The following CSMD1 variants were observed in gnomAD, a reference collection of about 807,000 sequenced individuals.
The protein encoded by CSMD1 is CUB and sushi domain-containing protein 1.
Under a neutral mutation model 417.5 loss-of-function variants are expected in CSMD1, and 213 were observed. That is an observed-to-expected ratio of 0.51 (90% confidence interval 0.46 to 0.57). The LOEUF is 0.57. Ranked by LOEUF, CSMD1 falls within the 20% of genes least tolerant of loss-of-function variation. The pLI is 0.00. For missense variants in CSMD1, 6,923 were observed against 4,529.7 expected (o/e 1.53, Z -15.17); for synonymous variants, 2,862 against 1,736.8 (o/e 1.65, Z -16.11).
chr8:4,088,030 T>C (rs1055821314), intron 3 of CSMD1, among the ~76,000 whole-genome samples: 8 of 152,244 alleles, frequency 5.3e-5, no homozygotes, highest in African/African-American at 1.9e-4. Flanking sequence ...CTGTGCTAAA[T>C]GACACTCCCC....
intron 1 of CSMD1, among the ~76,000 whole-genome samples, chr8:4,941,958 C>T (rs1808032400): frequency 6.6e-6 from 1 of 152,186 alleles, no homozygotes; most frequent in Non-Finnish European, 1.5e-5. Flanking sequence ...CTGCTTCTTC[C>T]AGTGAGTATG....
At chr8:4,278,972 A>T (rs1796635420) in intron 3 of CSMD1, among the ~76,000 whole-genome samples, 1 of 152,244 alleles carries the variant, frequency 6.6e-6, no homozygotes, top group African/African-American at 2.4e-5. Flanking sequence ...CCATATATGA[A>T]ATAAGATTGC....
At chr8:4,877,938 C>A (rs1191761206) in intron 1 of CSMD1, among the ~76,000 whole-genome samples, 1 of 152,082 alleles carries the variant, frequency 6.6e-6, no homozygotes, top group African/African-American at 2.4e-5. Flanking sequence ...AAGGGACCTA[C>A]CCAAACAGAG....
intron 54 of CSMD1, among the ~76,000 whole-genome samples, chr8:2,997,046 G>A (rs892512944): frequency 6.6e-6 from 1 of 152,216 alleles, no homozygotes; most frequent in African/African-American, 2.4e-5. Context: ...GGGCTCGGCG[G>A]AGGCAGGGGC....
intron 3 of CSMD1, among the ~76,000 whole-genome samples, chr8:4,378,899 C>A (rs1802922438): frequency 6.6e-6 from 1 of 152,158 alleles, no homozygotes; most frequent in South Asian, 2.1e-4. Flanking sequence ...ATCCGCAATG[C>A]TTGGGTCTTG....
At chr8:3,053,953 C>T (rs963957902) in intron 49 of CSMD1, among the ~76,000 whole-genome samples, 1 of 152,186 alleles carries the variant, frequency 6.6e-6, no homozygotes, top group African/African-American at 2.4e-5. Flanking sequence ...ATGAGAATAT[C>T]TGTGTAACAA....
chr8:3,667,148 G>C (rs1261081852), intron 7 of CSMD1, among the ~76,000 whole-genome samples: 1 of 151,982 alleles, frequency 6.6e-6, no homozygotes, highest in Non-Finnish European at 1.5e-5. Flanking sequence ...GGTAAAGGGG[G>C]GCTGTTCTTA....
At chr8:3,555,968 A>G (rs576658390) in intron 10 of CSMD1, among the ~76,000 whole-genome samples, 2 of 152,316 alleles carry the variant, frequency 1.3e-5, no homozygotes, top group South Asian at 4.1e-4. Flanking sequence ...CCAATGTTAA[A>G]TGACAGACTA....
intron 49 of CSMD1, among the ~76,000 whole-genome samples, chr8:3,070,929 G>C (rs1184382690): frequency 6.6e-6 from 1 of 152,224 alleles, no homozygotes; most frequent in Non-Finnish European, 1.5e-5. Flanking sequence ...TTGGCTCATG[G>C]TTCTGTGGGC....
At chr8:3,658,921 A>G (rs187133527) in intron 7 of CSMD1, among the ~76,000 whole-genome samples, 18 of 152,300 alleles carry the variant, frequency 1.2e-4, no homozygotes, top group African/African-American at 4.3e-4. Flanking sequence ...TCCATTCTTG[A>G]CCTACCAAAT....
intron 2 of CSMD1, among the ~76,000 whole-genome samples, chr8:4,563,912 T>C (rs1215898963): frequency 6.6e-6 from 1 of 152,180 alleles, no homozygotes; most frequent in Non-Finnish European, 1.5e-5. Flanking sequence ...AAATGTTTCT[T>C]CTGTAGCACA....
chr8:4,291,655 C>A (rs1165097890), intron 3 of CSMD1, among the ~76,000 whole-genome samples: 2 of 152,106 alleles, frequency 1.3e-5, no homozygotes, highest in African/African-American at 4.8e-5. Flanking sequence ...ATATGGAGAA[C>A]ATTTCCTACC....
chr8:3,499,065 G>C (rs948595410), intron 10 of CSMD1, among the ~76,000 whole-genome samples: 1 of 152,076 alleles, frequency 6.6e-6, no homozygotes, highest in East Asian at 1.9e-4. Flanking sequence ...TTGCTTTTTA[G>C]ACATTTCTTG....
chr8:4,474,852 C>A (rs345152), intron 2 of CSMD1, among the ~76,000 whole-genome samples: 1 of 152,148 alleles, frequency 6.6e-6, no homozygotes, highest in African/African-American at 2.4e-5. Context: ...TATATTTTCT[C>A]TTCCTTATGA....
At chr8:4,077,297 G>GTATATA (rs200304943) in intron 3 of CSMD1, among the ~76,000 whole-genome samples, 7,783 of 120,982 alleles carry the variant, frequency 0.064, 285 homozygotes, top group South Asian at 0.17. Context: ...ATATATATGT[G>GTATATA]TATATATATA....
intron 10 of CSMD1, among the ~76,000 whole-genome samples, chr8:3,526,356 G>T (rs144132954): frequency 6.6e-6 from 1 of 151,884 alleles, no homozygotes; most frequent in African/African-American, 2.4e-5. Context: ...AAATCCCTTT[G>T]GTGTGAGTTG....
At chr8:3,120,733 G>C (rs927878751) in intron 41 of CSMD1, among the ~76,000 whole-genome samples, 2 of 151,792 alleles carry the variant, frequency 1.3e-5, no homozygotes, top group Non-Finnish European at 2.9e-5. Flanking sequence ...TGTAATCCCA[G>C]CTACTTGGGA....
intron 6 of CSMD1, among the ~76,000 whole-genome samples, chr8:3,717,749 T>C (rs1025673513): frequency 1.6e-4 from 25 of 152,226 alleles, no homozygotes; most frequent in African/African-American, 6.0e-4. Flanking sequence ...ATTCTGCCTT[T>C]ATGACCTCTT....
chr8:3,820,303 G>C (rs10866958), intron 5 of CSMD1, among the ~76,000 whole-genome samples: 48,984 of 152,014 alleles, frequency 0.32, 8,476 homozygotes, highest in East Asian at 0.59. Flanking sequence ...GCTCAGAAGA[G>C]GACACAGTAG....
Sources: gnomAD v4.1 joint callset for allele counts (sites outside exome capture counted in the v4.1 genomes callset) on GRCh38, gnomAD v4.1.1 for gene constraint, MANE v1.5 for transcripts, NCBI Gene and HGNC (gene_info 2026-07-23, HGNC 2026-07-21) for gene names.